The following SDK2 variants were observed in gnomAD, a reference collection of about 807,000 sequenced individuals.
SDK2 encodes the protein protein sidekick-2.
In SDK2, 105 loss-of-function variants were observed where a neutral mutation model predicts 253.9. The ratio of observed to expected loss-of-function variants is 0.41; its 90% confidence interval spans 0.35 to 0.49. The LOEUF (loss-of-function observed/expected upper bound fraction) is 0.49, where lower values mean the gene tolerates loss of function less well. SDK2 is among the 20% of genes least tolerant of loss of function. The pLI, the probability that SDK2 is intolerant of heterozygous loss-of-function variation, is 0.06. For missense variants in SDK2, 2,608 were observed against 3,003.0 expected, an observed-to-expected ratio of 0.87 and a Z score of 3.07; for synonymous variants, 1,249 against 1,234.9, an observed-to-expected ratio of 1.01 and a Z score of -0.24.
intron 40 of SDK2, among the ~76,000 whole-genome samples, chr17:73,354,138 C>T (rs962673418): frequency 6.6e-6 from 1 of 152,104 alleles, no homozygotes; most frequent in South Asian, 2.1e-4. Flanking sequence ...ACCTCCTGGG[C>T]TCAAGCGATC....
chr17:73,642,114 G>A lies in SDK2; in HGVS notation c.64+1911C>T, dbSNP rs984229039. Among the ~76,000 whole-genome samples, 2 of 152,212 alleles carry A rather than the reference G, an allele frequency of 1.3e-5. No individual in the cohort carries two copies. The highest frequency in any genetic ancestry group is 2.9e-5 in the Non-Finnish European group (2 of 68,040). ...CAGGGAAGCCCCTCCCGCAGGAGGC[G>A]CAGGGACAGGGGGCCACCTGGCCTT... On this transcript the variant is annotated intron_variant, in intron 1 of 44. Coordinates refer to ENST00000392650, the MANE Select transcript of SDK2 (RefSeq NM_001144952.2). This position sits in a 1 kb window ranked among gnomAD's most constrained non-coding sequence, Gnocchi z 4.7.
intron 1 of SDK2, 100 bp from the exon 2 acceptor site, chr17:73,507,697 C>T (rs1241057004): frequency 1.5e-6 from 2 of 1,299,696 alleles, no homozygotes; most frequent in East Asian, 2.6e-5. Context: ...GGAGCAGGTG[C>T]AGCCAGGTAA....
intron 1 of SDK2, among the ~76,000 whole-genome samples, chr17:73,586,810 C>T (rs1380208974): frequency 3.3e-5 from 5 of 152,140 alleles, no homozygotes; most frequent in African/African-American, 7.2e-5. Flanking sequence ...TTATCTCATC[C>T]GATTCTCATG....
chr17:73,628,681 G>A (rs570645005), intron 1 of SDK2, among the ~76,000 whole-genome samples: 2 of 152,352 alleles, frequency 1.3e-5, no homozygotes, highest in African/African-American at 2.4e-5. Context: ...GGAGAGCCAG[G>A]GAAGTGGCCG....
intron 1 of SDK2, among the ~76,000 whole-genome samples, chr17:73,610,396 GA>G (rs554249156): frequency 3.8e-4 from 58 of 152,208 alleles, no homozygotes; most frequent in South Asian, 6.2e-4. Flanking sequence ...CAGAAAGGGG[GA>G]AAAAAATCAA....
At chr17:73,571,546 G>T (rs138271867) in intron 1 of SDK2, among the ~76,000 whole-genome samples, 1,751 of 152,282 alleles carry the variant, frequency 0.011, 42 homozygotes, top group African/African-American at 0.04. Flanking sequence ...CCCCCCGGGC[G>T]CTCTAAGCAG....
chr17:73,421,468 C>G (rs1224562806), intron 15 of SDK2, among the ~76,000 whole-genome samples: 1 of 151,714 alleles, frequency 6.6e-6, no homozygotes, highest in Admixed American at 6.6e-5. Context: ...GAGGTGGCTG[C>G]TTGTTCTACG....
intron 1 of SDK2, among the ~76,000 whole-genome samples, chr17:73,537,488 C>T (rs1321376373): frequency 6.6e-6 from 1 of 152,118 alleles, no homozygotes; most frequent in East Asian, 1.9e-4. Flanking sequence ...CATAAGGGCT[C>T]CTTTCATCGG....
chr17:73,353,108 T>A (rs1431284397), intron 40 of SDK2, among the ~76,000 whole-genome samples: 1 of 151,996 alleles, frequency 6.6e-6, no homozygotes, highest in African/African-American at 2.4e-5. Flanking sequence ...AAAGACACCT[T>A]TTGGAGCATC....
At chr17:73,483,702 TATA>T (rs1367810442) in intron 2 of SDK2, among the ~76,000 whole-genome samples, 7 of 80,420 alleles carry the variant, frequency 8.7e-5, no homozygotes, top group South Asian at 4.2e-4. Context: ...TATATATATA[TATA>T]TATTTTTTTT....
chr17:73,383,821 G>A lies in SDK2; in HGVS notation c.4705+55C>T, dbSNP rs575154653. The stretch of plus-strand genomic sequence containing the variant: ...AAGCTGAGAGCTCCAGAGCGGGAAG[G>A]TGAGGGTGACCGCCCCCATCCCACC... On this transcript the variant is annotated intron_variant, in intron 33 of 44. Coordinates refer to ENST00000392650, the MANE Select transcript of SDK2 (RefSeq NM_001144952.2). This position sits in a 1 kb window ranked among gnomAD's most constrained non-coding sequence, Gnocchi z 4.3. 3.9e-5 allele frequency: 62 copies of A among 1,605,488 alleles called. 1 individual carries two copies. In the Admixed American group the frequency reaches 7.7e-4, roughly 20 times the overall value.
chr17:73,353,703 T>G (rs2062559613), intron 40 of SDK2, among the ~76,000 whole-genome samples: 1 of 140,164 alleles, frequency 7.1e-6, no homozygotes, highest in Admixed American at 7.2e-5. Context: ...CTGGCCAATT[T>G]TTTTTTTTTT....
chr17:73,506,229 GC>G (rs2063934860), intron 2 of SDK2, among the ~76,000 whole-genome samples: 1 of 152,184 alleles, frequency 6.6e-6, no homozygotes, highest in Admixed American at 6.5e-5. Context: ...AGAGGCTCTG[GC>G]CCCCAACTGA....
At chr17:73,553,322 A>G (rs1048565080) in intron 1 of SDK2, among the ~76,000 whole-genome samples, 1 of 152,184 alleles carries the variant, frequency 6.6e-6, no homozygotes, top group Non-Finnish European at 1.5e-5. Context: ...AAGGGCTTTG[A>G]GCCAGGACTT....
intron 18 of SDK2, among the ~76,000 whole-genome samples, chr17:73,410,115 A>G (rs2063113691): frequency 6.6e-6 from 1 of 152,048 alleles, no homozygotes; most frequent in Admixed American, 6.6e-5. Context: ...TGGCCTCCCA[A>G]AGTGTTGCGA....
intron 43 of SDK2, 70 bp downstream of exon 43, chr17:73,350,167 C>T (rs2062521874): frequency 3.3e-5 from 5 of 152,388 alleles, no homozygotes; most frequent in East Asian, 2.3e-4. Flanking sequence ...TGCTCTATGG[C>T]CTTCCCCAGC....
chr17:73,433,496 C>A (rs1305253326), intron 10 of SDK2, among the ~76,000 whole-genome samples: 1 of 152,138 alleles, frequency 6.6e-6, no homozygotes, highest in Non-Finnish European at 1.5e-5. Context: ...CACTTTGGGC[C>A]AGGCTGGTCT....
At position 73,338,714 on chromosome 17, in the gene SDK2, G is replaced by A. The variant is rs1209710967; in HGVS notation, c.6392C>T (p.Ala2131Val). ...GTTCTGGGGCGTTGGAGTCCGACTGGCCTTGGGCCGAAAGAGGCTGCCCTG... is the reference window on the plus strand; with the variant it reads ...GTTCTGGGGCGTTGGAGTCCGACTGACCTTGGGCCGAAAGAGGCTGCCCTG... ...TQQGSLFRPK[A>V]SRTPTPQNPP... The change falls in exon 45 of 45, where the codon GCC becomes GTC. Residue 2131 changes from alanine to valine, a missense_variant. Ala to Val is a moderately conservative substitution (Grantham distance 64). Transcript: ENST00000392650. This position sits in a 1 kb window ranked among gnomAD's most constrained non-coding sequence, Gnocchi z 5.0. 6.2e-7 allele frequency: 1 copy of A among 1,612,326 alleles called. No homozygotes were observed. Among genetic ancestry groups the A allele is most frequent in the Non-Finnish European group, 8.5e-7 (1 of 1,179,160 alleles).
At chr17:73,503,784 G>A (rs9889888) in intron 2 of SDK2, among the ~76,000 whole-genome samples, 3,587 of 152,300 alleles carry the variant, frequency 0.024, 132 homozygotes, top group African/African-American at 0.075. Flanking sequence ...GGTGCTCCAT[G>A]CTGTTGCCCA....
Sources: allele counts gnomAD v4.1 joint callset (sites outside exome capture counted in the v4.1 genomes callset), GRCh38; gene constraint gnomAD v4.1.1; non-coding constraint Gnocchi (gnomAD v3.1); transcripts MANE v1.5; gene names NCBI Gene and HGNC (gene_info 2026-07-23, HGNC 2026-07-21).